The following RFX6 variants were observed in gnomAD, a reference collection of about 807,000 sequenced individuals.
The protein encoded by RFX6 is regulatory factor X6.
Under a neutral mutation model 110.8 loss-of-function variants are expected in RFX6, and 50 were observed. The observed-to-expected ratio is 0.45, with a 90% CI of 0.36 to 0.57. The LOEUF (loss-of-function observed/expected upper bound fraction) is 0.57, where lower values mean the gene tolerates loss of function less well. RFX6 is among the 20% of genes least tolerant of loss of function. The pLI is 0.00. For missense variants in RFX6, 990 were observed against 1,127.0 expected, an observed-to-expected ratio of 0.88 and a Z score of 1.74; for synonymous variants, 383 against 411.2, an observed-to-expected ratio of 0.93 and a Z score of 0.83.
chr6:116,923,340 A>T, intron 14 of RFX6, 116 bp downstream of exon 14: 1 of 735,280 alleles, frequency 1.4e-6, no homozygotes, highest in Non-Finnish European at 2.5e-6. Context: ...CTGTATCTGA[A>T]TATGGAGCTA....
chr6:116,883,300 A>T (rs1047419636), intron 4 of RFX6, among the ~76,000 whole-genome samples: 1 of 152,070 alleles, frequency 6.6e-6, no homozygotes, highest in Non-Finnish European at 1.5e-5. Flanking sequence ...CTTAAAATAA[A>T]TACAGAAAAC....
At chr6:116,907,445 C>G (rs1437945721) in intron 6 of RFX6, among the ~76,000 whole-genome samples, 1 of 152,098 alleles carries the variant, frequency 6.6e-6, no homozygotes, top group African/African-American at 2.4e-5. Flanking sequence ...ATTAGTTCCT[C>G]TTTAAATGTT....
chr6:116,877,984 C>T (rs768139400), intron 2 of RFX6, 32 bp downstream of exon 2: 1 of 1,606,194 alleles, frequency 6.2e-7, no homozygotes, highest in South Asian at 1.1e-5. Context: ...CACTGAAGCA[C>T]CTGTTGACGT....
At chr6:116,901,297 C>T (rs1775069499) in intron 6 of RFX6, among the ~76,000 whole-genome samples, 1 of 152,112 alleles carries the variant, frequency 6.6e-6, no homozygotes, top group Non-Finnish European at 1.5e-5. Flanking sequence ...GAATTAATAT[C>T]TATTACTATG....
Position 116,910,946 on chromosome 6 carries a change from T to A in RFX6, c.684T>A (p.Thr228=), listed in dbSNP as rs746247930. The A allele has an allele frequency of 1.9e-6, 3 of 1,612,668 alleles. No individual in the cohort carries two copies. The highest frequency in any genetic ancestry group is 2.5e-6 in the Non-Finnish European group (3 of 1,178,718). The change falls in exon 7 of 19, where the codon ACT becomes ACA. Residue 228 remains threonine, a synonymous_variant. Transcript: ENST00000332958. ...GSKLKNEGGF[T]RKYSLSSKTG... ...TTTCTAAATTATAGGGTGGCTTCAC[T>A]CGTAAATATTCGCTTAGCTCAAAAA...
At chr6:116,878,705 T>G (rs945507257) in intron 2 of RFX6, among the ~76,000 whole-genome samples, 115 of 151,876 alleles carry the variant, frequency 7.6e-4, no homozygotes, top group African/African-American at 2.6e-3. Context: ...AAATTCCAAG[T>G]AAAAAACAAA....
Position 116,925,523 on chromosome 6 carries a change from G to C in RFX6, c.1749G>C (p.Met583Ile), listed in dbSNP as rs1326581635. ...TGGCCAACCGTAATAAAGGGAGCAT[G>C]GTTTCCAGCGACGCTGTGAAGAATG... ...CFLANRNKGS[M>I]VSSDAVKNES... Residue 583 changes from methionine to isoleucine, a missense_variant, in exon 16 of 19, where the codon ATG becomes ATC. Transcript: ENST00000332958. 17 of 1,614,002 alleles carry C rather than the reference G, an allele frequency of 1.1e-5. No individual in the cohort carries two copies. Among genetic ancestry groups the C allele is most frequent in the Non-Finnish European group, 1.4e-5 (17 of 1,179,976 alleles).
chr6:116,899,139 C>T (rs748804122), intron 6 of RFX6, among the ~76,000 whole-genome samples: 17 of 151,366 alleles, frequency 1.1e-4, no homozygotes, highest in Non-Finnish European at 2.4e-4. Flanking sequence ...TATTCAGGAA[C>T]AGTTATAATA....
intron 6 of RFX6, among the ~76,000 whole-genome samples, chr6:116,908,725 G>A (rs187296936): frequency 6.6e-6 from 1 of 150,680 alleles, no homozygotes; most frequent in African/African-American, 2.4e-5. Flanking sequence ...CAGAGGGATT[G>A]AGAGAGAGAG....
intron 18 of RFX6, among the ~76,000 whole-genome samples, chr6:116,929,937 G>A (rs1775845831): frequency 1.3e-5 from 2 of 152,178 alleles, no homozygotes; most frequent in African/African-American, 4.8e-5. Flanking sequence ...CATGCTCCCT[G>A]AGCAGAATCT....
At chr6:116,878,291 A>G (rs1774511159) in intron 2 of RFX6, among the ~76,000 whole-genome samples, 1 of 152,164 alleles carries the variant, frequency 6.6e-6, no homozygotes, top group Non-Finnish European at 1.5e-5. Context: ...GTTGTTTGAT[A>G]GTTTTTGAGA....
chr6:116,888,097 C>T (rs745863436), intron 4 of RFX6, among the ~76,000 whole-genome samples: 1 of 152,042 alleles, frequency 6.6e-6, no homozygotes, highest in Non-Finnish European at 1.5e-5. Flanking sequence ...ATTGCAAGTC[C>T]CTGAACAGCT....
In RFX6 at chr6:116,915,930, A is replaced by C. The variant is rs555597703; in HGVS notation, c.781-78A>C. Reference sequence around the variant, plus strand: ...TGGTACGTAATAGGATCTTTTAAAAAATCTGTGTTGAACAAATTAACAAGA... The same window carrying C: ...TGGTACGTAATAGGATCTTTTAAAACATCTGTGTTGAACAAATTAACAAGA... On this transcript the variant is annotated intron_variant, in intron 7 of 18. Coordinates refer to ENST00000332958, the MANE Select transcript of RFX6 (RefSeq NM_173560.4). 2.2e-5 allele frequency: 23 copies of C among 1,032,276 alleles called. 1 individual carries two copies. In the East Asian group the frequency reaches 4.0e-4, roughly 18 times the overall value. The allele number at this position is 1,032,276 out of a possible 1,614,324, so 63.9% of individuals were successfully genotyped here. A position where few individuals can be genotyped will look rare whatever the true frequency, so the allele number is the denominator to read the frequency against.
At chr6:116,882,579 AAAAG>A in intron 4 of RFX6, 151 bp downstream of exon 4, 1 of 625,266 alleles carries the variant, frequency 1.6e-6, no homozygotes, top group Non-Finnish European at 2.9e-6. Flanking sequence ...GAAAAAAAAA[AAAAG>A]ATTTTAGAAT....
chr6:116,930,224 T>C (rs1775853612), intron 18 of RFX6, among the ~76,000 whole-genome samples: 1 of 152,130 alleles, frequency 6.6e-6, no homozygotes, highest in Non-Finnish European at 1.5e-5. Flanking sequence ...AATAAGTGGA[T>C]AAGTAGTGCA....
chr6:116,915,920 T>A, intron 7 of RFX6, 88 bp from the exon 8 acceptor site: 5 of 941,686 alleles, frequency 5.3e-6, no homozygotes, highest in Non-Finnish European at 7.0e-6. Flanking sequence ...CGTAATAGGA[T>A]CTTTTAAAAA....
rs186461895 is a variant in RFX6 at position 116,915,013 on chromosome 6, G to C, written c.781-995G>C. Among the ~76,000 whole-genome samples, 227 of 152,242 alleles carry C rather than the reference G, an allele frequency of 1.5e-3. 1 individual carries two copies. The highest frequency in any genetic ancestry group is 5.3e-3 in the African/African-American group (222 of 41,540). On this transcript the variant is annotated intron_variant, in intron 7 of 18. Transcript: ENST00000332958. ...AAATTAGAGCTGCGATTGAAATCCA[G>C]GTAATCTGAAGGCAAAGCTCACACA...
intron 6 of RFX6, among the ~76,000 whole-genome samples, chr6:116,907,932 T>C (rs900279791): frequency 6.6e-5 from 10 of 152,130 alleles, no homozygotes; most frequent in African/African-American, 2.4e-4. Context: ...TGTACATACC[T>C]GTTATTAGGT....
chr6:116,909,682 T>A (rs1274719510), intron 6 of RFX6, among the ~76,000 whole-genome samples: 1 of 146,166 alleles, frequency 6.8e-6, no homozygotes, highest in Non-Finnish European at 1.5e-5. Flanking sequence ...AAATTAAACA[T>A]AATTTTTAAA....
Sources: gnomAD v4.1 joint callset for allele counts (sites outside exome capture counted in the v4.1 genomes callset) on GRCh38, gnomAD v4.1.1 for gene constraint, MANE v1.5 for transcripts, NCBI Gene and HGNC (gene_info 2026-07-23, HGNC 2026-07-21) for gene names.